ADGRG4: variants seen among roughly 807,000 people sequenced by gnomAD.
The protein encoded by ADGRG4 is G protein-coupled receptor 112.
ADGRG4 carries 122 observed loss-of-function variants against 126.2 expected under a neutral mutation model. The ratio of observed to expected loss-of-function variants is 0.97; its 90% CI spans 0.83 to 1.12. The LOEUF (loss-of-function observed/expected upper bound fraction) is 1.12. ADGRG4 is among the 50% of genes most tolerant of loss of function. The pLI, the probability that ADGRG4 is intolerant of heterozygous loss-of-function variation, is 0.00. For synonymous variants in ADGRG4, 943 were observed against 838.7 expected (o/e 1.12, Z -2.15); for missense variants, 2,481 against 2,251.8 (o/e 1.10, Z -2.06).
chrX:136,368,119 G>T (rs2075170993), intron 13 of ADGRG4, among the ~76,000 whole-genome samples: 1 of 112,005 alleles, frequency 8.9e-6, no homozygotes, highest in Non-Finnish European at 1.9e-5. Flanking sequence ...CAACACGGTG[G>T]AGAAAACGGC....
intron 21 of ADGRG4, among the ~76,000 whole-genome samples, chrX:136,402,868 G>A (rs939422065): frequency 2.7e-5 from 3 of 111,825 alleles, no homozygotes; most frequent in Non-Finnish European, 5.6e-5. Flanking sequence ...AAGCTATTGG[G>A]AACAAAGGGG....
At chrX:136,377,688 G>A (rs1401408200) in intron 15 of ADGRG4, among the ~76,000 whole-genome samples, 1 of 111,396 alleles carries the variant, frequency 9.0e-6, no homozygotes, top group Non-Finnish European at 1.9e-5. Flanking sequence ...GCATGAGGTA[G>A]GAGTTGAGGA....
At chrX:136,382,494 C>G (rs746768692) in intron 15 of ADGRG4, among the ~76,000 whole-genome samples, 15 of 112,108 alleles carry the variant, frequency 1.3e-4, no homozygotes, top group Non-Finnish European at 2.4e-4. Flanking sequence ...TACCCATTCT[C>G]TATTCCCTTT....
At position 136,344,950 on chromosome X, in the gene ADGRG4, C is replaced by T; in HGVS notation, c.1244C>T (p.Thr415Ile). The T allele has an allele frequency of 8.3e-7, 1 of 1,209,150 alleles. No homozygotes were observed. Among genetic ancestry groups the T allele is most frequent in the Non-Finnish European group, 1.1e-6 (1 of 893,239 alleles). Residue 415 changes from threonine (T) to isoleucine (I), a missense_variant, in exon 6 of 26, where the codon ACA becomes ATA. By Grantham distance (89) the Thr-to-Ile change is moderately conservative. Transcript: ENST00000394143. ...ATTGAGTCAACATCTATGTCTACAA[C>T]ACCTTGTCTCAAACAAAAATCCACA... ...STIESTSMST[T>I]PCLKQKSTNT...
intron 5 of ADGRG4, among the ~76,000 whole-genome samples, chrX:136,342,499 A>G (rs2074984331): frequency 9.0e-6 from 1 of 111,650 alleles, no homozygotes; most frequent in East Asian, 2.8e-4. Flanking sequence ...GCATTAAATG[A>G]AGAAGAGGTA....
chrX:136,353,528 T>A, intron 8 of ADGRG4, 127 bp downstream of exon 8: 1 of 493,520 alleles, frequency 2.0e-6, no homozygotes, highest in Non-Finnish European at 3.5e-6. Flanking sequence ...AGTTGCATCT[T>A]CCTTCCTGAG....
chrX:136,405,346 G>A (rs748712828), intron 22 of ADGRG4, among the ~76,000 whole-genome samples: 2 of 111,037 alleles, frequency 1.8e-5, no homozygotes, highest in South Asian at 3.9e-4. Context: ...TGGGGAGCAC[G>A]GCGACAGAGA....
Position 136,344,570 on chromosome X carries a change from T to C in ADGRG4, c.864T>C (p.Asn288=), listed in dbSNP as rs747470433. ...ATTACACAACCATATCATATTCCAA[T>C]ACAACATCTCCACCTCTGGAAACAA... ...ATDYTTISYS[N]TTSPPLETMT... is the part of the protein sequence containing the mutation. Residue 288 remains asparagine (N), a synonymous_variant, in exon 6 of 26, where the codon AAT becomes AAC. Coordinates refer to ENST00000394143, the MANE Select transcript of ADGRG4 (RefSeq NM_153834.4). 1.7e-6 allele frequency: 2 copies of C among 1,203,708 alleles called. No individual in the cohort carries two copies. Among genetic ancestry groups the C allele is most frequent in the Non-Finnish European group, 2.3e-6 (2 of 888,764 alleles).
chrX:136,398,409 A>C (rs868128471), intron 20 of ADGRG4, among the ~76,000 whole-genome samples: 1 of 112,230 alleles, frequency 8.9e-6, no homozygotes, highest in Non-Finnish European at 1.9e-5. Context: ...CACAAATCAA[A>C]AAGCAAAAGA....
At position 136,347,498 on chromosome X, in the gene ADGRG4, C is replaced by A. The variant is rs368979955; in HGVS notation, c.3792C>A (p.Ser1264=). Residue 1264 remains serine (S), a synonymous_variant, in exon 6 of 26, where the codon TCC becomes TCA. Coordinates refer to ENST00000394143, the MANE Select transcript of ADGRG4 (RefSeq NM_153834.4). ...CCGACAAAGACCAGATGACCATATCCCTGGGAAAAACCCCTAGAACTATGG... is the reference window on the plus strand; with the variant it reads ...CCGACAAAGACCAGATGACCATATCACTGGGAAAAACCCCTAGAACTATGG... ...LSSDKDQMTI[S]LGKTPRTMEV... is the part of the protein sequence containing the mutation. The A allele has an allele frequency of 9.1e-6, 11 of 1,207,780 alleles. No individual in the cohort carries two copies. The highest frequency in any genetic ancestry group is 1.2e-5 in the Non-Finnish European group (11 of 893,518).
intron 5 of ADGRG4, among the ~76,000 whole-genome samples, chrX:136,342,267 G>A (rs1206884936): frequency 9.0e-6 from 1 of 111,431 alleles, no homozygotes; most frequent in Non-Finnish European, 1.9e-5. Context: ...GTAGATATAG[G>A]GATAGGAATC....
chrX:136,341,506 T>C (rs180881847), intron 5 of ADGRG4, among the ~76,000 whole-genome samples: 4 of 111,824 alleles, frequency 3.6e-5, no homozygotes, highest in Non-Finnish European at 5.6e-5. Context: ...ACCTACAAAA[T>C]TGGAAATGAA....
intron 15 of ADGRG4, among the ~76,000 whole-genome samples, chrX:136,381,830 G>T (rs1474080879): frequency 9.0e-6 from 1 of 111,387 alleles, no homozygotes; most frequent in East Asian, 2.8e-4. Context: ...GAAGAATTTG[G>T]AGTCTGATGT....
rs1419407611 is a variant in ADGRG4 at position 136,349,466 on chromosome X, A to C, written c.5760A>C (p.Ser1920=). The C allele has an allele frequency of 8.3e-7, 1 of 1,206,511 alleles. No homozygotes were observed. Among genetic ancestry groups the C allele is most frequent in the South Asian group, 1.8e-5 (1 of 56,861 alleles). ...TACACCTTGTTCCTGGGCCTTTGTC[A>C]ACATTCACAGCCTCTCAGACTGGTC... ...ETLHLVPGPL[S]TFTASQTGLV... is the part of the protein sequence containing the mutation. The change falls in exon 6 of 26, where the codon TCA becomes TCC. Residue 1920 remains serine, a synonymous_variant. Coordinates refer to ENST00000394143, the MANE Select transcript of ADGRG4 (RefSeq NM_153834.4).
chrX:136,411,660 T>A (rs2075447040), intron 23 of ADGRG4, among the ~76,000 whole-genome samples: 1 of 112,799 alleles, frequency 8.9e-6, no homozygotes, highest in African/African-American at 3.2e-5. Flanking sequence ...TAGCTGGGTG[T>A]TTCTGACTCA....
intron 5 of ADGRG4, among the ~76,000 whole-genome samples, chrX:136,342,117 C>T (rs186206072): frequency 6.4e-4 from 71 of 111,701 alleles, no homozygotes; most frequent in African/African-American, 2.1e-3. Context: ...GTGAGGCTGC[C>T]TTCCCAATTT....
chrX:136,349,739 A>T lies in ADGRG4; in HGVS notation c.6033A>T (p.Leu2011Phe), dbSNP rs1169346573. 4 of 1,207,602 alleles carry T rather than the reference A, an allele frequency of 3.3e-6. No individual in the cohort carries two copies. The African/African-American group carries it at 7.0e-5, about 21-fold the overall frequency. The change falls in exon 6 of 26, where the codon TTA (leucine) becomes TTT (phenylalanine). Residue 2011 changes from leucine to phenylalanine, a missense_variant. Leu to Phe is a conservative substitution (Grantham distance 22, BLOSUM62 0). Coordinates refer to ENST00000394143, the MANE Select transcript of ADGRG4 (RefSeq NM_153834.4). ...ISKSPILTWLLSSLPSGSPPA... is the reference protein window; with the variant it reads ...ISKSPILTWLFSSLPSGSPPA... ...AGTCACCCATTCTGACATGGCTCTT[A>T]TCTAGTCTCCCTTCTGGCTCCCCTC...
intron 16 of ADGRG4, 97 bp from the exon 17 acceptor site, chrX:136,392,135 T>C: frequency 1.4e-6 from 1 of 730,586 alleles, no homozygotes; most frequent in Non-Finnish European, 2.0e-6. Flanking sequence ...TTTCTGTACC[T>C]AACATTGTGT....
At chrX:136,415,184 T>C (rs1356164581) in intron 25 of ADGRG4, among the ~76,000 whole-genome samples, 2 of 112,008 alleles carry the variant, frequency 1.8e-5, no homozygotes, top group Non-Finnish European at 3.8e-5. Context: ...TTCTCCTGCC[T>C]TCTCAGTGCT....
Sources: gnomAD v4.1 joint callset for allele counts (sites outside exome capture counted in the v4.1 genomes callset) on GRCh38, gnomAD v4.1.1 for gene constraint, MANE v1.5 for transcripts, NCBI Gene and HGNC (gene_info 2026-07-23, HGNC 2026-07-21) for gene names.